The following FHIT variants were observed in gnomAD, a reference collection of about 807,000 sequenced individuals.
FHIT encodes the protein bis(5'-adenosyl)-triphosphatase.
In FHIT, 19 loss-of-function variants were observed where a neutral mutation model predicts 17.9. The ratio of observed to expected loss-of-function variants is 1.06; its 90% CI spans 0.74 to 1.56. FHIT has a LOEUF of 1.56. Ranked by LOEUF, FHIT falls within the 40% of genes most tolerant of loss-of-function variation. The pLI is 0.00. For synonymous variants in FHIT, 81 were observed against 69.7 expected (o/e 1.16, Z -0.81); for missense variants, 248 against 189.2 (o/e 1.31, Z -1.82).
intron 8 of FHIT, among the ~76,000 whole-genome samples, chr3:59,865,132 G>GA (rs1263726438): frequency 6.6e-6 from 1 of 152,048 alleles, no homozygotes; most frequent in Non-Finnish European, 1.5e-5. Flanking sequence ...TTTAAAAAAA[G>GA]AAAAAAATTA....
chr3:60,554,104 A>C (rs753987549), intron 4 of FHIT, among the ~76,000 whole-genome samples: 1 of 152,138 alleles, frequency 6.6e-6, no homozygotes, highest in Non-Finnish European at 1.5e-5. Flanking sequence ...AAAAAGAAAA[A>C]AAACGTATCA....
intron 2 of FHIT, chr3:61,166,838 G>GT (rs2037853776): frequency 6.6e-6 from 1 of 152,216 alleles, no homozygotes; most frequent in Non-Finnish European, 1.5e-5. Context: ...AGTAAGACAG[G>GT]TGTGGTGCTT....
intron 5 of FHIT, among the ~76,000 whole-genome samples, chr3:60,435,963 T>A (rs901739585): frequency 6.6e-5 from 10 of 152,172 alleles, no homozygotes; most frequent in African/African-American, 2.2e-4. Context: ...TCCAGCTCCA[T>A]CCTTATCCCT....
intron 5 of FHIT, among the ~76,000 whole-genome samples, chr3:60,123,751 G>C (rs1224665049): frequency 6.6e-6 from 1 of 151,360 alleles, no homozygotes; most frequent in Non-Finnish European, 1.5e-5. Flanking sequence ...CCCACTTTAA[G>C]TTTAGTGGAT....
intron 8 of FHIT, among the ~76,000 whole-genome samples, chr3:59,911,846 G>T (rs1052440817): frequency 1.3e-5 from 2 of 152,180 alleles, no homozygotes; most frequent in African/African-American, 2.4e-5. Context: ...CTGGGGAAGT[G>T]CCAGGTTCAG....
intron 5 of FHIT, among the ~76,000 whole-genome samples, chr3:60,169,384 C>T (rs1017734278): frequency 1.4e-4 from 21 of 152,130 alleles, no homozygotes; most frequent in Admixed American, 1.2e-3. Context: ...GCAGGAAGAA[C>T]AGCAAAAGCA....
At chr3:60,614,810 T>TG (rs1396731851) in intron 4 of FHIT, among the ~76,000 whole-genome samples, 9 of 20,304 alleles carry the variant, frequency 4.4e-4, no homozygotes, top group Non-Finnish European at 1.3e-3. Flanking sequence ...GCAAAAGTTG[T>TG]TTTTTTTTTG....
At chr3:60,862,988 T>C (rs1359105872) in intron 3 of FHIT, among the ~76,000 whole-genome samples, 1 of 152,160 alleles carries the variant, frequency 6.6e-6, no homozygotes, top group Non-Finnish European at 1.5e-5. Flanking sequence ...TCTTGAATTA[T>C]CTGGGTATGC....
intron 4 of FHIT, among the ~76,000 whole-genome samples, chr3:60,665,843 C>T (rs1462053563): frequency 1.3e-5 from 2 of 152,168 alleles, no homozygotes; most frequent in Middle Eastern, 3.4e-3. Flanking sequence ...CTCTGGTTCT[C>T]ATTCCTCTGT....
At chr3:60,479,647 C>T (rs1024645117) in intron 5 of FHIT, among the ~76,000 whole-genome samples, 1 of 152,164 alleles carries the variant, frequency 6.6e-6, no homozygotes, top group Non-Finnish European at 1.5e-5. Flanking sequence ...CCTGTTAGTA[C>T]AGTGGGAGGT....
chr3:60,194,349 T>C (rs897137965), intron 5 of FHIT, among the ~76,000 whole-genome samples: 1 of 152,158 alleles, frequency 6.6e-6, no homozygotes, highest in Non-Finnish European at 1.5e-5. Flanking sequence ...GGACACTCTA[T>C]TTAATAAATG....
At chr3:60,171,391 T>C (rs918095578) in intron 5 of FHIT, among the ~76,000 whole-genome samples, 2 of 152,158 alleles carry the variant, frequency 1.3e-5, no homozygotes, top group East Asian at 3.9e-4. Context: ...TCTTTGGCCA[T>C]ATGATGTGGT....
chr3:60,601,514 A>G (rs1277696726), intron 4 of FHIT, among the ~76,000 whole-genome samples: 1 of 152,212 alleles, frequency 6.6e-6, no homozygotes, highest in African/African-American at 2.4e-5. Context: ...ACTAGTGTCA[A>G]GGAACTTGAA....
At chr3:60,931,680 C>T (rs1316594299) in intron 3 of FHIT, among the ~76,000 whole-genome samples, 1 of 152,158 alleles carries the variant, frequency 6.6e-6, no homozygotes, top group African/African-American at 2.4e-5. Context: ...GAAGTATTTA[C>T]TTTAGGGTAT....
chr3:60,436,933 G>C (rs1179377148), intron 5 of FHIT, among the ~76,000 whole-genome samples: 2 of 152,014 alleles, frequency 1.3e-5, no homozygotes, highest in Non-Finnish European at 2.9e-5. Context: ...AAAATGTTTT[G>C]CTGTGAATTA....
intron 5 of FHIT, among the ~76,000 whole-genome samples, chr3:60,334,112 A>G (rs1576491963): frequency 6.6e-6 from 1 of 152,210 alleles, no homozygotes; most frequent in Non-Finnish European, 1.5e-5. Flanking sequence ...CTGGCTTTCT[A>G]TGAAACAAAT....
intron 4 of FHIT, among the ~76,000 whole-genome samples, chr3:60,673,640 G>A (rs2040558550): frequency 6.6e-6 from 1 of 152,088 alleles, no homozygotes; most frequent in Non-Finnish European, 1.5e-5. Flanking sequence ...GTTTACATAT[G>A]TAACAAAGCT....
intron 4 of FHIT, among the ~76,000 whole-genome samples, chr3:60,573,051 G>A (rs1335198912): frequency 6.6e-6 from 1 of 152,168 alleles, no homozygotes; most frequent in Non-Finnish European, 1.5e-5. Flanking sequence ...CTAAGTGGCA[G>A]GCTCAGGACC....
At chr3:60,718,173 A>G (rs1397380668) in intron 4 of FHIT, among the ~76,000 whole-genome samples, 1 of 150,872 alleles carries the variant, frequency 6.6e-6, no homozygotes, top group Non-Finnish European at 1.5e-5. Flanking sequence ...GTTTTATCTT[A>G]TGCAAGATTC....
Sources: gnomAD v4.1 joint callset for allele counts (sites outside exome capture counted in the v4.1 genomes callset) on GRCh38, gnomAD v4.1.1 for gene constraint, MANE v1.5 for transcripts, NCBI Gene and HGNC (gene_info 2026-07-23, HGNC 2026-07-21) for gene names.